PLXDC1: variants seen among roughly 807,000 people sequenced by gnomAD.
PLXDC1 encodes plexin domain-containing protein 1.
Under a neutral mutation model 61.3 loss-of-function variants are expected in PLXDC1, and 39 were observed. The observed-to-expected ratio is 0.64, with a 90% CI of 0.49 to 0.83. The LOEUF is 0.83. Among genes scored for constraint, PLXDC1 ranks in the 40% least tolerant of loss-of-function variants. The probability of loss-of-function intolerance (pLI) is 0.00; values close to 1 mark genes in which losing one functional copy is unlikely to be tolerated. For synonymous variants in PLXDC1, 212 were observed against 254.5 expected, an observed-to-expected ratio of 0.83 and a Z score of 1.59; for missense variants, 596 against 666.5, an observed-to-expected ratio of 0.89 and a Z score of 1.17.
intron 7 of PLXDC1, among the ~76,000 whole-genome samples, chr17:39,088,688 C>T (rs2143477692): frequency 6.6e-6 from 1 of 152,162 alleles, no homozygotes; most frequent in South Asian, 2.1e-4. Flanking sequence ...TGCCTGTAAT[C>T]CCAGCACTTT....
At chr17:39,152,495 G>A (rs2045380795), upstream of PLXDC1, 3 of 1,219,966 alleles carry the variant, frequency 2.5e-6, no homozygotes, top group African/African-American at 4.7e-5. Context: ...TTAATAGACG[G>A]CAAGGAATCA....
At chr17:39,080,949 G>C (rs1411458724) in intron 9 of PLXDC1, 1 of 152,806 alleles carries the variant, frequency 6.5e-6, no homozygotes, top group African/African-American at 2.4e-5. Flanking sequence ...GCTGTCATCT[G>C]ACCCATTTTG....
intron 2 of PLXDC1, among the ~76,000 whole-genome samples, chr17:39,138,423 A>G (rs1448111705): frequency 6.6e-6 from 1 of 152,234 alleles, no homozygotes; most frequent in Non-Finnish European, 1.5e-5. Flanking sequence ...TGATCGTCAC[A>G]ATCCACAACC....
rs1381810336 is a variant in PLXDC1 at position 39,083,469 on chromosome 17, C to T, written c.979G>A (p.Val327Ile). Reference protein sequence around the residue: ...DLTFNCSWCHVLQRCSSGFDR... With the variant: ...DLTFNCSWCHILQRCSSGFDR... Reference sequence around the variant, plus strand: ...ACCCTGGGCACAAACCTCTGGAGGACATGGCACCAGCTGCAGTTGAAGGTC... The same window carrying T: ...ACCCTGGGCACAAACCTCTGGAGGATATGGCACCAGCTGCAGTTGAAGGTC... Residue 327 changes from valine (V) to isoleucine (I), a missense_variant, in exon 9 of 14, where the codon GTC (valine) becomes ATC (isoleucine). Transcript: ENST00000315392. The T allele has an allele frequency of 2.5e-6, 4 of 1,613,710 alleles. No individual in the cohort carries two copies. Among genetic ancestry groups the T allele is most frequent in the Admixed American group, 3.3e-5 (2 of 60,008 alleles).
In PLXDC1 at chr17:39,078,015, C is replaced by T; in HGVS notation, c.1084G>A (p.Glu362Lys). ...TCAGGGGAGGCTGAGTCGTGGTCCT[C>T]ATCCTGGAAGTCCTCGCACATCCTG... Reference protein sequence around the residue: ...EGRMCEDFQDEDHDSASPDTS... With the variant: ...EGRMCEDFQDKDHDSASPDTS... Residue 362 changes from glutamate (E) to lysine (K), a missense_variant, in exon 11 of 14, where the codon GAG becomes AAG. By Grantham distance (56) the Glu-to-Lys change is moderately conservative. Transcript: ENST00000315392. 1.9e-6 allele frequency: 3 copies of T among 1,612,428 alleles called. No homozygotes were observed. The highest frequency in any genetic ancestry group is 1.7e-4 in the Middle Eastern group (1 of 6,048).
chr17:39,116,016 G>A (rs1356405182), intron 2 of PLXDC1, among the ~76,000 whole-genome samples: 1 of 152,208 alleles, frequency 6.6e-6, no homozygotes. Flanking sequence ...TGGGGAGGCT[G>A]AGGCAGTATA....
Position 39,070,042 on chromosome 17 carries a change from A to G in PLXDC1, c.1223-26T>C, listed in dbSNP as rs751273042. On this transcript the variant is annotated intron_variant, in intron 12 of 13. Transcript: ENST00000315392. Reference sequence around the variant, plus strand: ...CTGTGGAGAGATCATTAGGGCAGACAGGGGCTGCAGGGGAGCAGGGAAGGT... The same window carrying G: ...CTGTGGAGAGATCATTAGGGCAGACGGGGGCTGCAGGGGAGCAGGGAAGGT... The G allele has an allele frequency of 2.8e-5, 44 of 1,588,900 alleles. 3 individuals are homozygous for G. The South Asian group carries it at 4.8e-4, about 17-fold the overall frequency.
chr17:39,079,675 T>C lies in PLXDC1; in HGVS notation c.990-511A>G, dbSNP rs888210743. ...CTGACAAGGGTCTCCGGAGAGGGCA[T>C]TGGACAGCTCAGCTGGGCTGGAAGA... On this transcript the variant is annotated intron_variant, in intron 9 of 13. Transcript: ENST00000315392. 39 of 411,140 alleles carry C rather than the reference T, an allele frequency of 9.5e-5. 1 individual carries two copies. The highest frequency in any genetic ancestry group is 1.6e-4 in the African/African-American group (8 of 49,238). The allele number at this position is 411,140 out of a possible 1,614,324, so 25.5% of individuals were successfully genotyped here.
chr17:39,089,055 T>G (rs1336052166), intron 7 of PLXDC1, among the ~76,000 whole-genome samples: 2 of 148,652 alleles, frequency 1.3e-5, no homozygotes, highest in South Asian at 2.1e-4. Flanking sequence ...GAAAAAAGAA[T>G]AAGAAGCAGA....
rs1224282794 is a variant in PLXDC1, at chr17:39,071,404, T to A, written c.1222+1046A>T. Among the ~76,000 whole-genome samples, 4 of 152,092 alleles carry A rather than the reference T, an allele frequency of 2.6e-5. No homozygotes were observed. The South Asian group carries it at 8.3e-4, about 32-fold the overall frequency. ...TTGGGAGGGAACTAGGGGTGGCAAG[T>A]TTTAATGGGATGTTGCATGCACTCA... On this transcript the variant is annotated intron_variant, in intron 12 of 13. Coordinates refer to ENST00000315392, the MANE Select transcript of PLXDC1 (RefSeq NM_020405.5).
In PLXDC1 at chr17:39,072,438, T is replaced by G; in HGVS notation, c.1222+12A>C. 1.3e-6 allele frequency: 2 copies of G among 1,544,866 alleles called. No individual in the cohort carries two copies. The highest frequency in any genetic ancestry group is 1.8e-6 in the Non-Finnish European group (2 of 1,137,766). ...TGGGTCTGACGCTGAGGGCAGGCAG[T>G]TCTGTACTCACCGTCTCCTCCTGCA... On this transcript the variant is annotated intron_variant, in intron 12 of 13. Coordinates refer to ENST00000315392, the MANE Select transcript of PLXDC1 (RefSeq NM_020405.5).
At chr17:39,135,187 T>C (rs2143905288) in intron 2 of PLXDC1, among the ~76,000 whole-genome samples, 1 of 152,298 alleles carries the variant, frequency 6.6e-6, no homozygotes, top group East Asian at 1.9e-4. Context: ...TAAAGCCTGG[T>C]CCTCCTGTCT....
In PLXDC1 at chr17:39,063,731, A is replaced by G. The variant is rs937157805; in HGVS notation, c.*4109T>C. 2.0e-6 allele frequency: 1 copy of G among 495,020 alleles called. No individual in the cohort carries two copies. 30.7% of individuals were successfully genotyped at this position (495,020 alleles called of 1,614,324 possible). On this transcript the variant is annotated 3_prime_UTR_variant, in exon 14 of 14. Transcript: ENST00000315392. ...GGTGCCCTCAGTCCCCAGATCTTTGAATTCTACCATTAAGTTCAGGTAGGT... is the reference window on the plus strand; with the variant it reads ...GGTGCCCTCAGTCCCCAGATCTTTGGATTCTACCATTAAGTTCAGGTAGGT...
chr17:39,109,212 G>C (rs775138109), intron 3 of PLXDC1, 36 bp downstream of exon 3: 7 of 1,589,768 alleles, frequency 4.4e-6, no homozygotes, highest in African/African-American at 1.3e-5. Context: ...CGGCCTCCCA[G>C]CACAGGGAAG....
intron 2 of PLXDC1, among the ~76,000 whole-genome samples, chr17:39,135,491 A>ACAT (rs1193051009): frequency 6.6e-6 from 1 of 152,106 alleles, no homozygotes; most frequent in Non-Finnish European, 1.5e-5. Context: ...AGCCTGGCCA[A>ACAT]CATGGTGAAA....
chr17:39,082,319 G>A (rs1396692750), intron 9 of PLXDC1, among the ~76,000 whole-genome samples: 2 of 152,170 alleles, frequency 1.3e-5, no homozygotes, highest in East Asian at 1.9e-4. Context: ...TGGGAAGGCC[G>A]AGATAGATGG....
Position 39,133,577 on chromosome 17 carries a change from A to G in PLXDC1, c.255+6077T>C, listed in dbSNP as rs1365233650. Reference sequence around the variant, plus strand: ...ACAGTCCCGGCTCTCCTGTGCTTACATTCCAGGGGGAAGATAGGCAACAGA... The same window carrying G: ...ACAGTCCCGGCTCTCCTGTGCTTACGTTCCAGGGGGAAGATAGGCAACAGA... On this transcript the variant is annotated intron_variant, in intron 2 of 13. Transcript: ENST00000315392. Among the ~76,000 whole-genome samples the G allele has an allele frequency of 1.3e-5, 2 of 152,164 alleles. 1 individual carries two copies.
At chr17:39,134,054 A>G (rs112433793) in intron 2 of PLXDC1, among the ~76,000 whole-genome samples, 19,646 of 151,874 alleles carry the variant, frequency 0.13, 1,517 homozygotes, top group South Asian at 0.22. Context: ...TCAGGAGATC[A>G]AGACCATCCT....
chr17:39,090,369 C>T (rs1909900654), intron 7 of PLXDC1, among the ~76,000 whole-genome samples: 1 of 152,194 alleles, frequency 6.6e-6, no homozygotes, highest in South Asian at 2.1e-4. Context: ...TGGTGCCCCC[C>T]ACTCCCATGC....
Sources: allele counts gnomAD v4.1 joint callset (sites outside exome capture counted in the v4.1 genomes callset), GRCh38; gene constraint gnomAD v4.1.1; transcripts MANE v1.5; gene names NCBI Gene and HGNC (gene_info 2026-07-23, HGNC 2026-07-21).